The following DOCK9 variants were observed in gnomAD, a reference collection of about 807,000 sequenced individuals.
The protein encoded by DOCK9 is dedicator of cytokinesis 9, also known as dedicator of cytokinesis protein 9.
In DOCK9, 89 loss-of-function variants were observed where a neutral mutation model predicts 263.3. That is an observed-to-expected ratio of 0.34 (90% CI 0.28 to 0.40). The LOEUF is 0.40. Among genes scored for constraint, DOCK9 ranks in the 10% least tolerant of loss-of-function variants. DOCK9 has a pLI of 1.00. For synonymous variants in DOCK9, 976 were observed against 973.1 expected, an observed-to-expected ratio of 1.00 and a Z score of -0.06; for missense variants, 2,140 against 2,603.4, an observed-to-expected ratio of 0.82 and a Z score of 3.87.
intron 1 of DOCK9, among the ~76,000 whole-genome samples, chr13:98,991,516 G>A (rs1463709853): frequency 6.6e-6 from 1 of 152,102 alleles, no homozygotes; most frequent in African/African-American, 2.4e-5. Flanking sequence ...AAGACTCTGT[G>A]TGACAAAAAG....
intron 48 of DOCK9, among the ~76,000 whole-genome samples, chr13:98,806,344 CAT>C (rs1266221945): frequency 1.3e-5 from 2 of 152,182 alleles, no homozygotes; most frequent in Non-Finnish European, 2.9e-5. Context: ...GAGAATTAAA[CAT>C]AGGCAATTCC....
chr13:98,878,927 C>T (rs1191025977), intron 27 of DOCK9, among the ~76,000 whole-genome samples: 1 of 152,150 alleles, frequency 6.6e-6, no homozygotes, highest in Non-Finnish European at 1.5e-5. Context: ...CCTCTCCTGC[C>T]TACAAGGATT....
At chr13:99,046,006 C>G (rs1294015304) in intron 1 of DOCK9, among the ~76,000 whole-genome samples, 2 of 150,572 alleles carry the variant, frequency 1.3e-5, no homozygotes. Context: ...GAGACTGAGG[C>G]AGGAGAATGG....
intron 39 of DOCK9, among the ~76,000 whole-genome samples, chr13:98,835,843 G>A (rs1438998504): frequency 1.4e-5 from 2 of 146,330 alleles, no homozygotes; most frequent in African/African-American, 2.5e-5. Context: ...GGGTTCAAGC[G>A]ATTCCCCTGC....
chr13:98,848,264 A>G (rs2093450640), intron 37 of DOCK9, among the ~76,000 whole-genome samples: 1 of 152,220 alleles, frequency 6.6e-6, no homozygotes, highest in Non-Finnish European at 1.5e-5. Context: ...GAAGGAACAT[A>G]GGAAGAAGAA....
At chr13:98,998,216 G>A (rs1443099342) in intron 1 of DOCK9, among the ~76,000 whole-genome samples, 3 of 152,174 alleles carry the variant, frequency 2.0e-5, no homozygotes, top group Non-Finnish European at 4.4e-5. Flanking sequence ...AGAGAAGCCA[G>A]ACAGGGCAGC....
intron 45 of DOCK9, among the ~76,000 whole-genome samples, chr13:98,811,963 T>C (rs1249078729): frequency 1.3e-5 from 2 of 152,190 alleles, no homozygotes; most frequent in Non-Finnish European, 2.9e-5. Flanking sequence ...TGCATATGTA[T>C]ATCCAATTGT....
Position 98,960,689 on chromosome 13 carries a change from G to A in DOCK9, c.127-5138C>T, listed in dbSNP as rs115630160. ...TCCCAGGAACTGGTGATTCAGCGTC[G>A]CCTGGGAACTGGTTACAAACGTAAA... On this transcript the variant is annotated intron_variant, in intron 1 of 52. Coordinates refer to ENST00000682017, the MANE Select transcript of DOCK9 (RefSeq NM_001366683.2). Among the ~76,000 whole-genome samples the A allele has an allele frequency of 2.9e-3, 436 of 152,272 alleles. 3 individuals are homozygous for A. The highest frequency in any genetic ancestry group is 1.0e-2 in the African/African-American group (414 of 41,538).
chr13:98,986,533 A>C (rs1434293003), intron 1 of DOCK9, among the ~76,000 whole-genome samples: 2 of 152,244 alleles, frequency 1.3e-5, no homozygotes, highest in Non-Finnish European at 2.9e-5. Context: ...CGTGTATAGT[A>C]ATAACAGCTC....
rs1402296349 is a variant in DOCK9, at chr13:99,020,350, C to T, written c.130-64799G>A. On this transcript the variant is annotated intron_variant, in intron 1 of 32. Coordinates refer to the DOCK9 transcript ENST00000427887. ...CACTTCTCAGCAATATACTAAACCA[C>T]ATTAACATGGGAGGTGGCTGGGGCT... Among the ~76,000 whole-genome samples, 5 of 152,188 alleles carry T rather than the reference C, an allele frequency of 3.3e-5. 1 individual carries two copies. Among genetic ancestry groups the T allele is most frequent in the African/African-American group, 7.2e-5 (3 of 41,444 alleles).
intron 39 of DOCK9, among the ~76,000 whole-genome samples, chr13:98,833,401 A>C (rs2092846566): frequency 6.6e-6 from 1 of 152,176 alleles, no homozygotes; most frequent in South Asian, 2.1e-4. Context: ...TGCTGAGGCT[A>C]TCCAGGAGAT....
In DOCK9 at chr13:98,868,028, G is replaced by C; in HGVS notation, c.3091-17C>G. On this transcript the variant is annotated splice_polypyrimidine_tract_variant and intron_variant, in intron 28 of 52. Transcript: ENST00000682017. The stretch of plus-strand genomic sequence containing the variant: ...GAAACATCTCTGTGGAGGAAAACAA[G>C]CAAAAAAGTTATTTCAGGTCCAAAC... 1.9e-6 allele frequency: 3 copies of C among 1,608,800 alleles called. No individual in the cohort carries two copies. Among genetic ancestry groups the C allele is most frequent in the Non-Finnish European group, 2.5e-6 (3 of 1,177,604 alleles).
chr13:98,843,056 T>G (rs1017692712), intron 38 of DOCK9, among the ~76,000 whole-genome samples: 11 of 152,234 alleles, frequency 7.2e-5, no homozygotes, highest in African/African-American at 2.7e-4. Context: ...CCGTTTCCCA[T>G]GGGCCTCTGC....
intron 1 of DOCK9, among the ~76,000 whole-genome samples, chr13:99,013,109 C>CT (rs113373605): frequency 1.1e-4 from 17 of 149,508 alleles, no homozygotes; most frequent in African/African-American, 1.5e-4. Context: ...GAATCTGATT[C>CT]TTTTTTTTTT....
At position 98,915,907 on chromosome 13, in the gene DOCK9, T is replaced by C. The variant is rs979676657; in HGVS notation, c.718-404A>G. The stretch of plus-strand genomic sequence containing the variant: ...AATGAAATTTCATGTAAAATTTTCA[T>C]ATTTCTTCAGCTCCTATTTTTTTAA... On this transcript the variant is annotated intron_variant, in intron 7 of 52. Coordinates refer to ENST00000682017, the MANE Select transcript of DOCK9 (RefSeq NM_001366683.2). 2.0e-5 allele frequency among the ~76,000 whole-genome samples: 3 copies of C among 152,226 alleles called. No individual in the cohort carries two copies. The East Asian group carries it at 5.8e-4, about 29-fold the overall frequency.
intron 1 of DOCK9, among the ~76,000 whole-genome samples, chr13:99,046,490 C>T (rs542417571): frequency 5.3e-5 from 8 of 152,296 alleles, no homozygotes; most frequent in African/African-American, 1.4e-4. Flanking sequence ...AGCTGCGCTC[C>T]GGAAAACAGC....
At position 98,898,162 on chromosome 13, in the gene DOCK9, T is replaced by C. The variant is rs750934110; in HGVS notation, c.1586+17A>G. 6.3e-7 allele frequency: 1 copy of C among 1,589,966 alleles called. No individual in the cohort carries two copies. The highest frequency in any genetic ancestry group is 1.1e-5 in the South Asian group (1 of 88,744). ...CCTATCTATATCGATTTAAAAGGTA[T>C]AAAAGGTGTTCCTTACCTTGCTGCC... On this transcript the variant is annotated intron_variant, in intron 14 of 52. Coordinates refer to ENST00000682017, the MANE Select transcript of DOCK9 (RefSeq NM_001366683.2).
At chr13:98,924,779 T>C (rs2052646776) in intron 4 of DOCK9, among the ~76,000 whole-genome samples, 1 of 152,232 alleles carries the variant, frequency 6.6e-6, no homozygotes, top group Non-Finnish European at 1.5e-5. Flanking sequence ...TTTTCCATCA[T>C]GTTTTGAAGC....
rs578014007 is a variant in DOCK9, at chr13:99,043,886, C to A, written c.129+42337G>T. 5.9e-5 allele frequency among the ~76,000 whole-genome samples: 9 copies of A among 152,210 alleles called. No homozygotes were observed. The South Asian group carries it at 1.7e-3, about 28-fold the overall frequency. ...ACATATGCCACTACTGTAGGCAGGA[C>A]AATACTGGTGTGACCATCCCTCCAC... On this transcript the variant is annotated intron_variant, in intron 1 of 32. Coordinates refer to the DOCK9 transcript ENST00000427887.
Sources: allele counts gnomAD v4.1 joint callset (sites outside exome capture counted in the v4.1 genomes callset), GRCh38; gene constraint gnomAD v4.1.1; transcripts MANE v1.5; gene names NCBI Gene and HGNC (gene_info 2026-07-23, HGNC 2026-07-21).